Variants in MDGA2 observed in about 807,000 individuals in gnomAD.
MDGA2 encodes the protein MAM domain containing glycosylphosphatidylinositol anchor 2.
Under a neutral mutation model 117.8 loss-of-function variants are expected in MDGA2, and 40 were observed. That is an observed-to-expected ratio of 0.34 (90% CI 0.26 to 0.44). The LOEUF is 0.44. Among genes scored for constraint, MDGA2 ranks in the 20% least tolerant of loss-of-function variants. MDGA2 has a pLI of 1.00. For synonymous variants in MDGA2, 452 were observed against 439.0 expected, an observed-to-expected ratio of 1.03 and a Z score of -0.37; for missense variants, 1,123 against 1,250.6, an observed-to-expected ratio of 0.90 and a Z score of 1.54.
chr14:46,971,440 T>C (rs1451053280), intron 8 of MDGA2, among the ~76,000 whole-genome samples: 1 of 152,044 alleles, frequency 6.6e-6, no homozygotes, highest in Non-Finnish European at 1.5e-5. Context: ...TTATCTTAAG[T>C]GAGATAAGAC....
intron 14 of MDGA2, among the ~76,000 whole-genome samples, chr14:46,861,491 AT>A (rs1176526472): frequency 6.6e-6 from 1 of 151,872 alleles, no homozygotes; most frequent in Non-Finnish European, 1.5e-5. Flanking sequence ...ATGTAAAAAA[AT>A]ATTTTGCCTA....
intron 1 of MDGA2, among the ~76,000 whole-genome samples, chr14:47,670,795 C>CT (rs1898060554): frequency 6.6e-6 from 1 of 152,046 alleles, no homozygotes. Flanking sequence ...TCAAACAAAA[C>CT]TTTAACATTC....
intron 1 of MDGA2, among the ~76,000 whole-genome samples, chr14:47,402,906 ACCTATCTGTGAATTCT>A: frequency 6.6e-6 from 1 of 151,982 alleles, no homozygotes; most frequent in South Asian, 2.1e-4. Flanking sequence ...TTCCCTCCTC[ACCTATCTGTGAATTCT>A]CCACCTTTTC....
In MDGA2 at chr14:47,227,158, T is replaced by C. The variant is rs139015256; in HGVS notation, c.421-8963A>G. On this transcript the variant is annotated intron_variant, in intron 2 of 16. Coordinates refer to ENST00000399232, the MANE Select transcript of MDGA2 (RefSeq NM_001113498.3). ...CTGATTCCCTTAGAGCCCTTTACCC[T>C]TCCTATATGTTACCTCACTAGGACT... 4.1e-3 allele frequency among the ~76,000 whole-genome samples: 618 copies of C among 152,226 alleles called. 4 individuals are homozygous for C. Among genetic ancestry groups the C allele is most frequent in the Middle Eastern group, 0.027 (8 of 294 alleles).
intron 6 of MDGA2, among the ~76,000 whole-genome samples, chr14:47,065,834 T>C (rs961155947): frequency 2.0e-5 from 3 of 152,134 alleles, no homozygotes; most frequent in Admixed American, 1.3e-4. Context: ...CCATTTCAGG[T>C]TGATAAATTG....
At position 46,874,191 on chromosome 14, in the gene MDGA2, T is replaced by A; in HGVS notation, c.2447A>T (p.His816Leu). 1 of 1,421,074 alleles carries A rather than the reference T, an allele frequency of 7.0e-7. No individual in the cohort carries two copies. The highest frequency in any genetic ancestry group is 9.3e-7 in the Non-Finnish European group (1 of 1,078,988). The allele number at this position is 1,421,074 out of a possible 1,614,324, so 88.0% of individuals were successfully genotyped here. ...AATATTACCATCTTCAAATCCACAA[T>A]GAAATTCTCCTGTTGGTAAATTTTA... ...APVNPHLREF[H>L]CGFEDGNICL... is the part of the protein sequence containing the mutation. Residue 816 changes from histidine (H) to leucine (L), a missense_variant, in exon 13 of 17, where the codon CAT becomes CTT. Coordinates refer to ENST00000399232, the MANE Select transcript of MDGA2 (RefSeq NM_001113498.3).
intron 2 of MDGA2, among the ~76,000 whole-genome samples, chr14:47,228,042 A>G (rs1886567441): frequency 6.6e-6 from 1 of 152,090 alleles, no homozygotes; most frequent in Non-Finnish European, 1.5e-5. Context: ...CAACTCTCCC[A>G]GTCTTTCCCA....
chr14:47,360,914 C>G (rs1386275670), intron 1 of MDGA2, among the ~76,000 whole-genome samples: 1 of 151,888 alleles, frequency 6.6e-6, no homozygotes, highest in Non-Finnish European at 1.5e-5. Context: ...AACAGAGTAA[C>G]AAGTAGTTAC....
chr14:47,544,438 A>T (rs1399949518), intron 1 of MDGA2, among the ~76,000 whole-genome samples: 1 of 152,206 alleles, frequency 6.6e-6, no homozygotes, highest in Non-Finnish European at 1.5e-5. Flanking sequence ...TGCCTCTTCA[A>T]ATCCAATTCT....
At chr14:47,088,279 A>G (rs1171408889) in intron 6 of MDGA2, among the ~76,000 whole-genome samples, 1 of 152,064 alleles carries the variant, frequency 6.6e-6, no homozygotes, top group Non-Finnish European at 1.5e-5. Flanking sequence ...TTTGAGCTAC[A>G]AAGTAATATA....
chr14:46,896,391 T>C (rs967145153), intron 10 of MDGA2, among the ~76,000 whole-genome samples: 2 of 152,176 alleles, frequency 1.3e-5, no homozygotes, highest in African/African-American at 4.8e-5. Flanking sequence ...TACTACACTT[T>C]GGATTTAAAA....
rs982602685 is a variant in MDGA2, at chr14:47,218,158, C to T, written c.458G>A (p.Arg153Lys). 2 of 1,550,698 alleles carry T rather than the reference C, an allele frequency of 1.3e-6. No individual in the cohort carries two copies. Among genetic ancestry groups the T allele is most frequent in the Non-Finnish European group, 1.7e-6 (2 of 1,146,498 alleles). The change falls in exon 3 of 17, where the codon AGA becomes AAA. Residue 153 changes from arginine to lysine, a missense_variant. Around this residue, in one of 2 missense-constraint regions of MDGA2, gnomAD observed 233 missense variants for 200.3 expected, o/e 1.16. Coordinates refer to ENST00000399232, the MANE Select transcript of MDGA2 (RefSeq NM_001113498.3). The stretch of plus-strand genomic sequence containing the variant: ...ATTGAAGACACTTGAGTCTTGGAAT[C>T]TGTCAGAGGCACTTCCTGCTGTTTT... ...WTKTAGSASD[R>K]FQDSSVFNET...
intron 16 of MDGA2, 44 bp downstream of exon 16, chr14:46,845,722 T>C: frequency 3.4e-6 from 4 of 1,161,062 alleles, no homozygotes; most frequent in Non-Finnish European, 5.0e-6. Context: ...ATAGTAATGT[T>C]ACTTTAACGT....
chr14:47,579,432 C>T (rs1364792575), intron 1 of MDGA2, among the ~76,000 whole-genome samples: 1 of 151,998 alleles, frequency 6.6e-6, no homozygotes, highest in Non-Finnish European at 1.5e-5. Context: ...TCTTTTCACT[C>T]ATTTAATAAT....
intron 10 of MDGA2, among the ~76,000 whole-genome samples, chr14:46,906,178 T>C (rs977526653): frequency 6.6e-6 from 1 of 151,860 alleles, no homozygotes; most frequent in Non-Finnish European, 1.5e-5. Flanking sequence ...CAGAAAGGAA[T>C]GACATTTTTC....
intron 14 of MDGA2, among the ~76,000 whole-genome samples, chr14:46,863,783 A>G (rs1184575744): frequency 6.6e-6 from 1 of 152,156 alleles, no homozygotes; most frequent in Non-Finnish European, 1.5e-5. Flanking sequence ...ATAGAAAAAA[A>G]ATGAGTTTAG....
chr14:46,839,957 T>G (rs915509912), downstream of MDGA2: 1 of 152,034 alleles, frequency 6.6e-6, no homozygotes, highest in Non-Finnish European at 1.5e-5. Context: ...GGAGTTCCTA[T>G]TAAAATTTCT....
At chr14:47,665,631 G>T (rs929782715) in intron 1 of MDGA2, among the ~76,000 whole-genome samples, 1 of 152,180 alleles carries the variant, frequency 6.6e-6, no homozygotes, top group East Asian at 1.9e-4. Flanking sequence ...GGAGCGGCCT[G>T]CTGGCCCTGC....
chr14:47,628,310 A>C (rs142366767), intron 1 of MDGA2, among the ~76,000 whole-genome samples: 2 of 152,128 alleles, frequency 1.3e-5, no homozygotes, highest in East Asian at 3.9e-4. Flanking sequence ...TTGCATGACT[A>C]TTTGTTTCAT....
Sources: gnomAD v4.1 joint callset for allele counts (sites outside exome capture counted in the v4.1 genomes callset) on GRCh38, gnomAD v4.1.1 for gene constraint, gnomAD v4.1.1 regional missense constraint, MANE v1.5 for transcripts, NCBI Gene and HGNC (gene_info 2026-07-23, HGNC 2026-07-21) for gene names.